The following GRHL3 variants were observed in gnomAD, a reference collection of about 807,000 sequenced individuals.
The protein encoded by GRHL3 is grainyhead like transcription factor 3.
Under a neutral mutation model 70.3 loss-of-function variants are expected in GRHL3, and 20 were observed. The ratio of observed to expected loss-of-function variants is 0.28; its 90% CI spans 0.20 to 0.41. The LOEUF is 0.41. Among genes scored for constraint, GRHL3 ranks in the 10% least tolerant of loss-of-function variants. The pLI is 1.00. For missense variants in GRHL3, 637 were observed against 762.3 expected, an observed-to-expected ratio of 0.84 and a Z score of 1.94; for synonymous variants, 299 against 299.9, an observed-to-expected ratio of 1.00 and a Z score of 0.03.
chr1:24,319,734 G>A, intron 1 of GRHL3, 166 bp downstream of exon 1: 1 of 1,559,552 alleles, frequency 6.4e-7, no homozygotes, highest in Non-Finnish European at 8.6e-7. Context: ...GCAAGCCCCA[G>A]TCTCAAGCTA....
intron 15 of GRHL3, among the ~76,000 whole-genome samples, chr1:24,350,584 A>G (rs1413818818): frequency 1.3e-5 from 2 of 152,252 alleles, no homozygotes; most frequent in Non-Finnish European, 1.5e-5. Context: ...CTCAGAGGTA[A>G]TAAGCAGTGT....
At chr1:24,351,525 A>G (rs1394532375) in intron 15 of GRHL3, among the ~76,000 whole-genome samples, 1 of 152,040 alleles carries the variant, frequency 6.6e-6, no homozygotes, top group Admixed American at 6.5e-5. Flanking sequence ...CTTCACGGCA[A>G]AGGGCAGGCT....
intron 1 of GRHL3, chr1:24,319,771 G>A (rs1639110290): frequency 6.2e-6 from 9 of 1,445,472 alleles, no homozygotes; most frequent in Non-Finnish European, 8.2e-6. Context: ...TGGGAAAATA[G>A]TTTTTCTCAT....
At position 24,343,043 on chromosome 1, in the gene GRHL3, G is replaced by C; in HGVS notation, c.1419+18G>C. On this transcript the variant is annotated intron_variant, in intron 11 of 15. Transcript: ENST00000361548. ...CTGGAGGGGTGAGGCCAGGGCTGGG[G>C]TCTCGGGAAGGAGCCGAGAGAGGGT... The C allele has an allele frequency of 6.2e-7, 1 of 1,613,944 alleles. No homozygotes were observed.
chr1:24,359,507 C>T (rs141090051), downstream of GRHL3, among the ~76,000 whole-genome samples: 6 of 152,354 alleles, frequency 3.9e-5, no homozygotes, highest in East Asian at 1.2e-3. This position sits in a 1 kb window ranked among gnomAD's most constrained non-coding sequence, Gnocchi z 5.3. Context: ...ATTATCACCA[C>T]ATTTGCAAGG....
In GRHL3 at chr1:24,342,747, CA is replaced by C; in HGVS notation, c.1262del (p.Lys421SerfsTer68). ...DERKQFRRKV[K>X]CPDSSNSGVK... ...AGCGGAAGCAGTTCCGGAGGAAGGT[CA>C]AGTGCCCTGACTCCAGCAACAGTGG... On this transcript the variant is annotated frameshift_variant, in exon 10 of 16. Coordinates refer to ENST00000361548, the MANE Select transcript of GRHL3 (RefSeq NM_198173.3). LOFTEE classifies it high-confidence loss of function. This position sits in a 1 kb window ranked among gnomAD's most constrained non-coding sequence, Gnocchi z 4.8. 2 of 1,614,186 alleles carry C rather than the reference CA, an allele frequency of 1.2e-6. No individual in the cohort carries two copies. The highest frequency in any genetic ancestry group is 1.7e-6 in the Non-Finnish European group (2 of 1,180,028).
chr1:24,334,785 T>C lies in GRHL3; in HGVS notation c.266+79T>C. The C allele has an allele frequency of 1.8e-6, 2 of 1,112,166 alleles. No individual in the cohort carries two copies. Among genetic ancestry groups the C allele is most frequent in the Non-Finnish European group, 2.7e-6 (2 of 751,744 alleles). The allele number at this position is 1,112,166 out of a possible 1,614,324, so 68.9% of individuals were successfully genotyped here. ...GCCTCTTCCACACAGGTTTGACTTA[T>C]CCATTAGGCACAGGAGGCACAGTGC... On this transcript the variant is annotated intron_variant, in intron 3 of 15. Transcript: ENST00000361548. This position sits in a 1 kb window ranked among gnomAD's most constrained non-coding sequence, Gnocchi z 4.3.
Position 24,329,353 on chromosome 1 carries a change from A to T in GRHL3, c.18-2073A>T, listed in dbSNP as rs534629128. Among the ~76,000 whole-genome samples the T allele has an allele frequency of 2.6e-3, 401 of 152,298 alleles. 2 individuals are homozygous for T. Among genetic ancestry groups the T allele is most frequent in the Non-Finnish European group, 3.2e-3 (218 of 68,016 alleles). ...TGGGCCCTAGTGGCCTGGCAGCAGG[A>T]GGGTACTTCATGCACCTGATTACAG... is the stretch of plus-strand genomic sequence containing the variant. On this transcript the variant is annotated intron_variant, in intron 1 of 15. Transcript: ENST00000361548.
chr1:24,319,474 T>C lies in GRHL3; in HGVS notation c.-78T>C. 1.4e-6 allele frequency: 2 copies of C among 1,388,088 alleles called. No individual in the cohort carries two copies. Among genetic ancestry groups the C allele is most frequent in the Non-Finnish European group, 2.1e-6 (2 of 974,322 alleles). The allele number at this position is 1,388,088 out of a possible 1,614,324, so 86.0% of individuals were successfully genotyped here. ...ATCAAACACTTTCCCGGGCAGAGAA[T>C]GTCTGTGTCAGGCAAGAATTAGAGA... On this transcript the variant is annotated 5_prime_UTR_variant, in exon 1 of 16. It removes an upstream start codon present in the reference 5' UTR. Coordinates refer to ENST00000361548, the MANE Select transcript of GRHL3 (RefSeq NM_198173.3).
intron 1 of GRHL3, among the ~76,000 whole-genome samples, chr1:24,324,962 T>C (rs1557690071): frequency 6.6e-6 from 1 of 152,132 alleles, no homozygotes; most frequent in Non-Finnish European, 1.5e-5. Flanking sequence ...GAAAACCAGA[T>C]GGGCCACTGG....
Position 24,338,106 on chromosome 1 carries a change from G to A in GRHL3, c.952+3G>A. 1 of 1,592,264 alleles carries A rather than the reference G, an allele frequency of 6.3e-7. No individual in the cohort carries two copies. Among genetic ancestry groups the A allele is most frequent in the Non-Finnish European group, 8.6e-7 (1 of 1,167,392 alleles). On this transcript the variant is annotated splice_donor_region_variant and intron_variant, in intron 7 of 15. Transcript: ENST00000361548. The stretch of plus-strand genomic sequence containing the variant: ...CAAGCAGCGGGTCATTGACGTGGGT[G>A]AGAGCCTTCTCAAGCCTCCATTCCA...
downstream of GRHL3, among the ~76,000 whole-genome samples, chr1:24,359,658 G>A (rs976851849): frequency 5.3e-5 from 8 of 152,246 alleles, no homozygotes; most frequent in South Asian, 6.2e-4. This position sits in a 1 kb window ranked among gnomAD's most constrained non-coding sequence, Gnocchi z 5.3. Flanking sequence ...TGGCTCCCTC[G>A]CACGGGAGCA....
chr1:24,336,392 G>A lies in GRHL3; in HGVS notation c.267-90G>A, dbSNP rs1349818354. 19 of 803,166 alleles carry A rather than the reference G, an allele frequency of 2.4e-5. No individual in the cohort carries two copies. The East Asian group carries it at 3.7e-4, about 16-fold the overall frequency. The allele number at this position is 803,166 out of a possible 1,614,324, so 49.8% of individuals were successfully genotyped here. The stretch of plus-strand genomic sequence containing the variant: ...GACCTAAACATTACACTGGATCAAA[G>A]GCCAGTGTGTCAGTTGCCTTGCACT... On this transcript the variant is annotated intron_variant, in intron 3 of 15. Transcript: ENST00000361548.
intron 12 of GRHL3, among the ~76,000 whole-genome samples, chr1:24,346,269 T>C (rs1032065317): frequency 2.0e-5 from 3 of 152,164 alleles, no homozygotes; most frequent in Non-Finnish European, 2.9e-5. Context: ...CATCCCTCTA[T>C]GAAGTATTGC....
rs767040060 is a variant in GRHL3 at position 24,336,629 on chromosome 1, C to G, written c.414C>G (p.Ala138=). ...KKNNLMSLEG[A]LPTPGKAAPL... Reference sequence around the variant, plus strand: ...ATAACCTGATGAGCTTGGAGGGGGCCTTGCCCACCCCTGGCAAGGCAGCTC... The same window carrying G: ...ATAACCTGATGAGCTTGGAGGGGGCGTTGCCCACCCCTGGCAAGGCAGCTC... The change falls in exon 4 of 16, where the codon GCC becomes GCG. Residue 138 remains alanine (A), a synonymous_variant. Transcript: ENST00000361548. The G allele has an allele frequency of 6.2e-7, 1 of 1,614,140 alleles. No individual in the cohort carries two copies.
In GRHL3 at chr1:24,354,705, C is replaced by G; in HGVS notation, c.*217C>G. On this transcript the variant is annotated 3_prime_UTR_variant, in exon 16 of 16. Transcript: ENST00000361548. ...CCCATGGTATGCTTGAATCTGCTCC[C>G]TGAACTTCCTGCCAGTGCCTCCCCG... 1 of 476,536 alleles carries G rather than the reference C, an allele frequency of 2.1e-6. No individual in the cohort carries two copies. The highest frequency in any genetic ancestry group is 2.5e-5 in the South Asian group (1 of 39,592). 29.5% of individuals were successfully genotyped at this position (476,536 alleles called of 1,614,324 possible).
rs554644711 is a variant in GRHL3 at position 24,322,253 on chromosome 1, T to C, written c.17+2685T>C. Among the ~76,000 whole-genome samples, 16 of 151,694 alleles carry C rather than the reference T, an allele frequency of 1.1e-4. No homozygotes were observed. The highest frequency in any genetic ancestry group is 3.6e-4 in the African/African-American group (15 of 41,364). ...TGGGCCCCACCGCTGCCGCCTGGAG[T>C]CTCCCCTCAGCCTCGCAGAGACGCG... On this transcript the variant is annotated intron_variant, in intron 1 of 15. Transcript: ENST00000361548. The surrounding 1 kb of genome is among the most constrained non-coding windows in gnomAD (Gnocchi z 4.4).
chr1:24,344,730 C>G (rs2148661734), intron 11 of GRHL3, among the ~76,000 whole-genome samples, 167 bp from the exon 12 acceptor site: 1 of 152,148 alleles, frequency 6.6e-6, no homozygotes, highest in South Asian at 2.1e-4. Flanking sequence ...CTCAACATCT[C>G]AGGTCACTTA....
downstream of GRHL3, chr1:24,358,257 A>G (rs772145990): frequency 6.4e-6 from 4 of 627,848 alleles, no homozygotes; most frequent in African/African-American, 5.4e-5. Flanking sequence ...GGCAGCCTGG[A>G]TGGGTGCGTG....
Sources: gnomAD v4.1 joint callset for allele counts (sites outside exome capture counted in the v4.1 genomes callset) on GRCh38, gnomAD v4.1.1 for gene constraint, Gnocchi (gnomAD v3.1) non-coding constraint, MANE v1.5 for transcripts, NCBI Gene and HGNC (gene_info 2026-07-23, HGNC 2026-07-21) for gene names.